The following RTTN variants were observed in gnomAD, a reference collection of about 807,000 sequenced individuals.
RTTN encodes rotatin.
A neutral mutation model predicts 269.2 loss-of-function variants in RTTN; 182 were observed. The observed-to-expected ratio is 0.68, with a 90% CI of 0.60 to 0.76. The LOEUF is 0.76. RTTN is among the 30% of genes least tolerant of loss of function. The pLI, the probability that RTTN is intolerant of heterozygous loss-of-function variation, is 0.00. For synonymous variants in RTTN, 1,006 were observed against 963.5 expected (o/e 1.04, Z -0.82); for missense variants, 2,545 against 2,608.6 (o/e 0.98, Z 0.53).
In RTTN at chr18:70,092,670, G is replaced by C. The variant is rs182157946; in HGVS notation, c.4032+6C>G. 6 of 1,611,046 alleles carry C rather than the reference G, an allele frequency of 3.7e-6. No individual in the cohort carries two copies. The highest frequency in any genetic ancestry group is 5.1e-6 in the Non-Finnish European group (6 of 1,177,956). ...TTCAGAAGATAGACAGCTTTAACGC[G>C]CTCACCAAGCTCCCAGCCTGGGCCA... On this transcript the variant is annotated splice_donor_region_variant and intron_variant, in intron 29 of 48. Coordinates refer to ENST00000640769, the MANE Select transcript of RTTN (RefSeq NM_173630.4).
chr18:70,151,265 G>A (rs2060531341), intron 14 of RTTN, among the ~76,000 whole-genome samples: 1 of 148,474 alleles, frequency 6.7e-6, no homozygotes. Context: ...ATATATATAT[G>A]ATTATATAAA....
At chr18:70,043,848 C>T (rs1198413026) in intron 40 of RTTN, among the ~76,000 whole-genome samples, 1 of 152,198 alleles carries the variant, frequency 6.6e-6, no homozygotes, top group African/African-American at 2.4e-5. Context: ...TTACTGCAGA[C>T]TGAAAAGCAG....
intron 28 of RTTN, among the ~76,000 whole-genome samples, chr18:70,101,519 A>G (rs1157560296): frequency 6.6e-6 from 1 of 152,120 alleles, no homozygotes; most frequent in Non-Finnish European, 1.5e-5. Context: ...GATCTTTTCA[A>G]AAAACCAGCT....
intron 11 of RTTN, among the ~76,000 whole-genome samples, chr18:70,175,045 C>CAAAAAAAAAAAAAAAAAAAAAAAA (rs5825998): frequency 5.8e-5 from 5 of 86,822 alleles, no homozygotes; most frequent in Admixed American, 1.5e-4. Context: ...AAACCAAAAC[C>CAAAAAAAAAAAAAAAAAAAAAAAA]AAAAAAAAAA....
At chr18:70,075,811 T>C (rs1329782321) in intron 32 of RTTN, among the ~76,000 whole-genome samples, 3 of 152,088 alleles carry the variant, frequency 2.0e-5, no homozygotes, top group Non-Finnish European at 4.4e-5. Flanking sequence ...TTCTATGGAA[T>C]GATCAGCTTT....
rs779897900 is a variant in RTTN, at chr18:70,074,045, C to T, written c.4565-51G>A. 1.4e-5 allele frequency: 17 copies of T among 1,249,836 alleles called. No individual in the cohort carries two copies. The African/African-American group carries it at 1.6e-4, about 12-fold the overall frequency. The allele number at this position is 1,249,836 out of a possible 1,614,324, so 77.4% of individuals were successfully genotyped here. On this transcript the variant is annotated intron_variant, in intron 33 of 48. Coordinates refer to ENST00000640769, the MANE Select transcript of RTTN (RefSeq NM_173630.4). ...ATGGACACCCTCCTAGGAACTGTAACAATTAATTAAAAGGGTACGCATTAC... is the reference window on the plus strand; with the variant it reads ...ATGGACACCCTCCTAGGAACTGTAATAATTAATTAAAAGGGTACGCATTAC...
chr18:70,082,229 T>G (rs2058588395), intron 32 of RTTN, among the ~76,000 whole-genome samples: 1 of 152,134 alleles, frequency 6.6e-6, no homozygotes, highest in Non-Finnish European at 1.5e-5. Context: ...GTGAGATCAT[T>G]TTCAAGTGGA....
intron 46 of RTTN, among the ~76,000 whole-genome samples, chr18:70,015,122 AGG>A (rs2056501531): frequency 1.3e-5 from 2 of 151,016 alleles, no homozygotes; most frequent in Non-Finnish European, 2.9e-5. Flanking sequence ...TCTGTTGCCC[AGG>A]CTGGAGTGCA....
rs144081368 is a variant in RTTN, at chr18:70,166,595, T to C, written c.1802+324A>G. The C allele has an allele frequency of 2.0e-3, 428 of 210,764 alleles. 1 individual carries two copies. The highest frequency in any genetic ancestry group is 6.6e-3 in the Middle Eastern group (4 of 606). The allele number at this position is 210,764 out of a possible 1,614,324, so 13.1% of individuals were successfully genotyped here. Reference sequence around the variant, plus strand: ...AATAAAAGTTACAAAACTCTCAGTTTAAGTTATTAATTAAAACTTTAAAGA... The same window carrying C: ...AATAAAAGTTACAAAACTCTCAGTTCAAGTTATTAATTAAAACTTTAAAGA... On this transcript the variant is annotated intron_variant, in intron 13 of 48. Coordinates refer to ENST00000640769, the MANE Select transcript of RTTN (RefSeq NM_173630.4).
intron 10 of RTTN, among the ~76,000 whole-genome samples, chr18:70,181,296 G>A (rs974966321): frequency 2.6e-5 from 4 of 152,138 alleles, no homozygotes; most frequent in African/African-American, 9.7e-5. Flanking sequence ...ATGCGGAAAA[G>A]AAACAGAATA....
Position 70,204,153 on chromosome 18 carries a change from A to C in RTTN, c.330T>G (p.Asp110Glu). ...CTTCCGAAGGAAGAAGAAAAAGTCC[A>C]TCCAGAATGCCATCAATTTCAGCCT... ...NLQAEIDGIL[D>E]GLFLLPSEVP... The change falls in exon 3 of 49, where the codon GAT (aspartate) becomes GAG (glutamate). Residue 110 changes from aspartate to glutamate, a missense_variant. Coordinates refer to ENST00000640769, the MANE Select transcript of RTTN (RefSeq NM_173630.4). 1 of 1,614,172 alleles carries C rather than the reference A, an allele frequency of 6.2e-7. No homozygotes were observed. Among genetic ancestry groups the C allele is most frequent in the Non-Finnish European group, 8.5e-7 (1 of 1,179,998 alleles).
rs1291754782 is a variant in RTTN at position 70,109,534 on chromosome 18, T to C, written c.3867A>G (p.Leu1289=). The stretch of plus-strand genomic sequence containing the variant: ...CTGACAAGTACTTCACACAGATATC[T>C]AGAGGCTTTGTGAGAGGAGAGTGTG... ...WSSHSPLTKP[L]DICVKYLSGL... is the part of the protein sequence containing the mutation. The change falls in exon 28 of 49, where the codon CTA becomes CTG. Residue 1289 remains leucine, a synonymous_variant. Coordinates refer to ENST00000640769, the MANE Select transcript of RTTN (RefSeq NM_173630.4). 6.2e-7 allele frequency: 1 copy of C among 1,614,102 alleles called. No homozygotes were observed. The highest frequency in any genetic ancestry group is 8.5e-7 in the Non-Finnish European group (1 of 1,179,990).
chr18:70,145,044 A>G lies in RTTN; in HGVS notation c.2481+568T>C, dbSNP rs561227953. The stretch of plus-strand genomic sequence containing the variant: ...ACAGCCGCTGCCCATTGCTGCCATT[A>G]CCATCTGAGCTCCACCTCCTGTCAG... On this transcript the variant is annotated intron_variant, in intron 18 of 48. Transcript: ENST00000640769. Among the ~76,000 whole-genome samples, 12 of 152,306 alleles carry G rather than the reference A, an allele frequency of 7.9e-5. No individual in the cohort carries two copies. The South Asian group carries it at 2.5e-3, about 32-fold the overall frequency.
chr18:70,117,513 A>G (rs1416799467), intron 26 of RTTN, among the ~76,000 whole-genome samples: 1 of 152,052 alleles, frequency 6.6e-6, no homozygotes. Context: ...TGGTGATAAT[A>G]TATGAGATAA....
intron 34 of RTTN, among the ~76,000 whole-genome samples, chr18:70,068,674 C>T (rs899412461): frequency 4.6e-5 from 7 of 152,142 alleles, no homozygotes; most frequent in African/African-American, 1.7e-4. Flanking sequence ...CTGCTCTGTA[C>T]CTCACAGTAA....
At chr18:70,004,818 T>C (rs2056131440) in intron 48 of RTTN, among the ~76,000 whole-genome samples, 1 of 152,126 alleles carries the variant, frequency 6.6e-6, no homozygotes, top group Non-Finnish European at 1.5e-5. Context: ...AACGTGGATA[T>C]AAGGGTAACA....
At chr18:70,012,629 TATTAGTTACAGC>T (rs970305881) in intron 46 of RTTN, among the ~76,000 whole-genome samples, 1 of 150,968 alleles carries the variant, frequency 6.6e-6, no homozygotes, top group Non-Finnish European at 1.5e-5. Context: ...TGCTCACTGG[TATTAGTTACAGC>T]ACAGTGTCTG....
At chr18:70,080,942 A>T (rs868106452) in intron 32 of RTTN, among the ~76,000 whole-genome samples, 2,115 of 143,822 alleles carry the variant, frequency 0.015, 39 homozygotes, top group African/African-American at 0.052. Flanking sequence ...ACACACACAC[A>T]CACACACACA....
chr18:70,028,914 A>C, intron 42 of RTTN, 113 bp from the exon 43 acceptor site: 1 of 574,978 alleles, frequency 1.7e-6, no homozygotes, highest in Non-Finnish European at 3.0e-6. Context: ...TGCTCTAATC[A>C]TGCCCAACCA....
Sources: allele counts gnomAD v4.1 joint callset (sites outside exome capture counted in the v4.1 genomes callset), GRCh38; gene constraint gnomAD v4.1.1; transcripts MANE v1.5; gene names NCBI Gene and HGNC (gene_info 2026-07-23, HGNC 2026-07-21).